The following THUMPD3 variants were observed in gnomAD, a reference collection of about 807,000 sequenced individuals.
The protein encoded by THUMPD3 is THUMP domain 3 tRNA guanosine methyltransferase, also known as tRNA (guanine(6)-N(2))-methyltransferase THUMP3.
In THUMPD3, 44 loss-of-function variants were observed where a neutral mutation model predicts 54.5. The ratio of observed to expected loss-of-function variants is 0.81; its 90% CI spans 0.63 to 1.04. The LOEUF is 1.04. THUMPD3 is among the 50% of genes least tolerant of loss of function. The pLI, the probability that THUMPD3 is intolerant of heterozygous loss-of-function variation, is 0.00. For missense variants in THUMPD3, 604 were observed against 601.3 expected (o/e 1.00, Z -0.05); for synonymous variants, 196 against 201.4 (o/e 0.97, Z 0.23).
At chr3:9,376,363 T>G (rs1239525129) in intron 5 of THUMPD3, among the ~76,000 whole-genome samples, 1 of 152,186 alleles carries the variant, frequency 6.6e-6, no homozygotes, top group Non-Finnish European at 1.5e-5. Flanking sequence ...ATCTACATGC[T>G]TTCTCATCTA....
intron 5 of THUMPD3, among the ~76,000 whole-genome samples, chr3:9,376,934 A>G (rs1398374125): frequency 6.6e-6 from 1 of 152,222 alleles, no homozygotes; most frequent in Non-Finnish European, 1.5e-5. Context: ...ATTCTGTGAG[A>G]TAATGCATGG....
rs757087741 is a variant in THUMPD3, at chr3:9,377,819, GCT to G, written c.942_943del (p.Cys315Ter). 3 of 1,613,230 alleles carry G rather than the reference GCT, an allele frequency of 1.9e-6. No individual in the cohort carries two copies. The highest frequency in any genetic ancestry group is 1.1e-5 in the South Asian group (1 of 91,056). On this transcript the variant is annotated frameshift_variant and splice_region_variant, in exon 6 of 10. Transcript: ENST00000452837. LOFTEE classifies it high-confidence loss of function. ...RSTLAYGMLRLCDPLPYDIIV... is the reference protein window; with the variant it reads ...RSTLAYGMLRXCDPLPYDIIV... ...ACATAGGCTGTTTTCTTTTCTCTAGGCTCTGTGATCCTCTACCTTATGATATA... is the reference window on the plus strand; with the variant it reads ...ACATAGGCTGTTTTCTTTTCTCTAGGCTGTGATCCTCTACCTTATGATATA...
chr3:9,366,762 T>C (rs1158250437), intron 2 of THUMPD3, 146 bp from the exon 3 acceptor site: 3 of 591,680 alleles, frequency 5.1e-6, no homozygotes, highest in Non-Finnish European at 8.5e-6. Context: ...GATGAGAAAC[T>C]AGGGAGATGG....
chr3:9,384,197 G>A lies in THUMPD3; in HGVS notation c.1236-15G>A, dbSNP rs1282833675. 6.2e-7 allele frequency: 1 copy of A among 1,611,962 alleles called. No homozygotes were observed. Among genetic ancestry groups the A allele is most frequent in the Non-Finnish European group, 8.5e-7 (1 of 1,179,406 alleles). On this transcript the variant is annotated splice_polypyrimidine_tract_variant and intron_variant, in intron 8 of 9. Transcript: ENST00000452837. ...TCTTTTGCAAGTGTTTGACTCATGA[G>A]ACCTTCTATTATAGGATGGGATCCA...
chr3:9,386,188 T>G lies in THUMPD3; in HGVS notation c.*1500T>G, dbSNP rs2033319506. 6.6e-6 allele frequency: 1 copy of G among 152,224 alleles called. No individual in the cohort carries two copies. The highest frequency in any genetic ancestry group is 2.4e-5 in the African/African-American group (1 of 41,452). The allele number at this position is 152,224 out of a possible 1,614,324, so 9.4% of individuals were successfully genotyped here. A position where few individuals can be genotyped will look rare whatever the true frequency, so the allele number is the denominator to read the frequency against. ...ACTTCATAATGAATGGGAAATAAGA[T>G]GTTTATGAAGGTTTTATATCCTAGA... On this transcript the variant is annotated 3_prime_UTR_variant, in exon 10 of 10. Coordinates refer to ENST00000452837, the MANE Select transcript of THUMPD3 (RefSeq NM_001114092.2).
chr3:9,382,016 C>A (rs1447737940), intron 7 of THUMPD3, among the ~76,000 whole-genome samples: 5 of 151,810 alleles, frequency 3.3e-5, no homozygotes, highest in African/African-American at 1.2e-4. Flanking sequence ...ATCTCCTGAC[C>A]TCATGATCTG....
chr3:9,382,372 A>T (rs548174771), intron 7 of THUMPD3, among the ~76,000 whole-genome samples: 1 of 151,932 alleles, frequency 6.6e-6, no homozygotes. Flanking sequence ...CTTTGTATTT[A>T]TTATTATTCA....
intron 6 of THUMPD3, among the ~76,000 whole-genome samples, chr3:9,378,551 A>G (rs1447195975): frequency 6.6e-6 from 1 of 152,248 alleles, no homozygotes; most frequent in African/African-American, 2.4e-5. Context: ...TGTGTGAAAC[A>G]TAGTAGTTCT....
rs74328904 is a variant in THUMPD3 at position 9,382,274 on chromosome 3, T to A, written c.1125-925T>A. Among the ~76,000 whole-genome samples, 508 of 152,356 alleles carry A rather than the reference T, an allele frequency of 3.3e-3. 1 individual carries two copies. Among genetic ancestry groups the A allele is most frequent in the African/African-American group, 0.011 (474 of 41,598 alleles). ...CAATTAAATCCTTAATTTCTGCTGA[T>A]AACCTTTGACTTATCTTCAGTTCTT... On this transcript the variant is annotated intron_variant, in intron 7 of 9. Coordinates refer to ENST00000452837, the MANE Select transcript of THUMPD3 (RefSeq NM_001114092.2).
intron 7 of THUMPD3, among the ~76,000 whole-genome samples, chr3:9,382,577 C>T (rs2033010728): frequency 6.6e-6 from 1 of 152,112 alleles, no homozygotes; most frequent in Admixed American, 6.5e-5. Flanking sequence ...GATACATCAC[C>T]CCATTATCTA....
At chr3:9,379,606 C>G (rs917435549) in intron 6 of THUMPD3, among the ~76,000 whole-genome samples, 3 of 152,176 alleles carry the variant, frequency 2.0e-5, no homozygotes, top group African/African-American at 7.2e-5. Flanking sequence ...TTATGTTCTG[C>G]TGACAGGTTT....
rs184891156 is a variant in THUMPD3, at chr3:9,371,454, C to T, written c.725C>T (p.Ser242Leu). ...GCAGGAGAGAAACATTGCTTTACCT[C>T]AAATGAGGCTGCAAGAGATTTTGGG... is the stretch of plus-strand genomic sequence containing the variant. ...NRAGEKHCFTSNEAARDFGGA... is the reference protein window; with the variant it reads ...NRAGEKHCFTLNEAARDFGGA... Residue 242 changes from serine (S) to leucine (L), a missense_variant, in exon 4 of 10, where the codon TCA (serine) becomes TTA (leucine). Ser to Leu is a moderately radical substitution (Grantham distance 145). Transcript: ENST00000452837. The T allele has an allele frequency of 5.6e-6, 9 of 1,614,142 alleles. No individual in the cohort carries two copies. The Admixed American group carries it at 1.5e-4, about 27-fold the overall frequency.
chr3:9,368,005 C>T (rs1023129490), intron 3 of THUMPD3, among the ~76,000 whole-genome samples: 17 of 151,850 alleles, frequency 1.1e-4, no homozygotes, highest in Admixed American at 1.3e-4. Flanking sequence ...GCGGAGCTGG[C>T]AGTGAGCAGA....
At chr3:9,374,411 A>C (rs1299170428) in intron 4 of THUMPD3, 105 bp from the exon 5 acceptor site, 15 of 1,386,898 alleles carry the variant, frequency 1.1e-5, no homozygotes, top group Non-Finnish European at 1.5e-5. Flanking sequence ...GGGGACCAAC[A>C]GGTTGCCTAA....
intron 5 of THUMPD3, among the ~76,000 whole-genome samples, chr3:9,375,440 G>T (rs535419245): frequency 6.6e-6 from 1 of 152,148 alleles, no homozygotes; most frequent in South Asian, 2.1e-4. Flanking sequence ...CTTCTCCTTT[G>T]CCCTTCTCTC....
At chr3:9,375,417 C>T (rs574382074) in intron 5 of THUMPD3, among the ~76,000 whole-genome samples, 125 of 152,320 alleles carry the variant, frequency 8.2e-4, no homozygotes, top group African/African-American at 2.0e-3. Flanking sequence ...TCAGAGTACA[C>T]GACCTATCTT....
chr3:9,385,038 GCTGAGGCTAGAGA>G lies in THUMPD3; in HGVS notation c.*351_*363del. On this transcript the variant is annotated 3_prime_UTR_variant, in exon 10 of 10. Transcript: ENST00000452837. ...GCCTGTAATCCCAACTACTCAGGAG[GCTGAGGCTAGAGA>G]ATCACTTGAACCCAGCAGGCGGAGG... The G allele has an allele frequency of 4.9e-6, 1 of 206,176 alleles. No homozygotes were observed. Among genetic ancestry groups the G allele is most frequent in the Admixed American group, 5.3e-5 (1 of 19,000 alleles). The allele number at this position is 206,176 out of a possible 1,614,324, so 12.8% of individuals were successfully genotyped here. A position where few individuals can be genotyped will look rare whatever the true frequency, so the allele number is the denominator to read the frequency against.
At chr3:9,363,850 C>T (rs2125302916) in intron 1 of THUMPD3, 1 of 147,840 alleles carries the variant, frequency 6.8e-6, no homozygotes, top group South Asian at 2.1e-4. Flanking sequence ...CACTGTGTCA[C>T]CCAGGCTGGA....
At chr3:9,383,396 T>A (rs2033071635) in intron 8 of THUMPD3, 87 bp downstream of exon 8, 2 of 870,198 alleles carry the variant, frequency 2.3e-6, no homozygotes, top group Non-Finnish European at 1.9e-6. Flanking sequence ...ATCTTGAATT[T>A]TAGCAGACTT....
Sources: gnomAD v4.1 joint callset for allele counts (sites outside exome capture counted in the v4.1 genomes callset) on GRCh38, gnomAD v4.1.1 for gene constraint, MANE v1.5 for transcripts, NCBI Gene and HGNC (gene_info 2026-07-23, HGNC 2026-07-21) for gene names.